Variants in HMG20A observed in about 807,000 individuals in gnomAD.
The protein encoded by HMG20A is high mobility group protein 20A.
In HMG20A, 17 loss-of-function variants were observed where a neutral mutation model predicts 43.9. The ratio of observed to expected loss-of-function variants is 0.39; its 90% CI spans 0.27 to 0.58. The LOEUF is 0.58. Ranked by LOEUF, HMG20A falls within the 20% of genes least tolerant of loss-of-function variation. The pLI is 0.59. For synonymous variants in HMG20A, 132 were observed against 147.5 expected (o/e 0.89, Z 0.76); for missense variants, 341 against 438.2 (o/e 0.78, Z 1.98).
chr15:77,449,402 T>C (rs2073710781), intron 1 of HMG20A, among the ~76,000 whole-genome samples: 1 of 152,158 alleles, frequency 6.6e-6, no homozygotes, highest in Non-Finnish European at 1.5e-5. Flanking sequence ...GATTAGCCAG[T>C]GTTCTCATTC....
chr15:77,490,638 C>T, the HMG20A span, among the ~76,000 whole-genome samples: 3 of 152,142 alleles, frequency 2.0e-5, no homozygotes, highest in Non-Finnish European at 4.4e-5. Flanking sequence ...ACCTGGGCAA[C>T]GTGGTGAAAC....
intron 9 of HMG20A, among the ~76,000 whole-genome samples, chr15:77,480,073 G>A (rs1029184544): frequency 1.3e-5 from 2 of 151,698 alleles, no homozygotes; most frequent in Non-Finnish European, 2.9e-5. Context: ...CAGGCAGATC[G>A]CTGGAGTCCA....
chr15:77,512,970 A>C, the HMG20A span, among the ~76,000 whole-genome samples: 1 of 152,164 alleles, frequency 6.6e-6, no homozygotes, highest in Non-Finnish European at 1.5e-5. Flanking sequence ...TGCCCAAAAC[A>C]CGTTAACATC....
chr15:77,471,665 T>C, intron 5 of HMG20A, 118 bp from the exon 6 acceptor site: 1 of 686,446 alleles, frequency 1.5e-6, no homozygotes, highest in Non-Finnish European at 2.6e-6. Context: ...AAAAATATCA[T>C]ATGTTATGAG....
Position 77,480,817 on chromosome 15 carries a change from T to A in HMG20A, c.*6+1496T>A, listed in dbSNP as rs183158010. ...ATTGGTATTTATTCATTCAAATTCC[T>A]AGAGATAGGATACCCCTTTACTATG... is the stretch of plus-strand genomic sequence containing the variant. On this transcript the variant is annotated intron_variant, in intron 9 of 9. Transcript: ENST00000336216. Among the ~76,000 whole-genome samples the A allele has an allele frequency of 2.2e-4, 34 of 151,896 alleles. No homozygotes were observed. In the East Asian group the frequency reaches 6.0e-3, roughly 27 times the overall value.
the HMG20A span, among the ~76,000 whole-genome samples, chr15:77,510,914 A>G: frequency 6.6e-6 from 1 of 152,246 alleles, no homozygotes; most frequent in Non-Finnish European, 1.5e-5. Context: ...CCAGCCCTGT[A>G]CTTGCTTGCT....
chr15:77,449,975 A>T (rs2073717872), intron 1 of HMG20A, among the ~76,000 whole-genome samples: 1 of 152,108 alleles, frequency 6.6e-6, no homozygotes, highest in African/African-American at 2.4e-5. Context: ...GGCAACCACT[A>T]ATCTTTTTAC....
rs191612038 is a variant in HMG20A, at chr15:77,472,701, G to T, written c.615+887G>T. The stretch of plus-strand genomic sequence containing the variant: ...GATTTAGGCCTGTGTTTCTGTGTGT[G>T]TATGGGATTTAGGTGTGTGTGTTGT... On this transcript the variant is annotated intron_variant, in intron 6 of 9. Transcript: ENST00000336216. Among the ~76,000 whole-genome samples the T allele has an allele frequency of 2.3e-4, 35 of 152,356 alleles. No homozygotes were observed. In the East Asian group the frequency reaches 6.2e-3, roughly 27 times the overall value.
intron 1 of HMG20A, chr15:77,447,605 A>C (rs1426206730): frequency 6.6e-6 from 1 of 152,200 alleles, no homozygotes; most frequent in East Asian, 1.9e-4. Context: ...TTTTACTTCA[A>C]AAAAACATGT....
intron 8 of HMG20A, among the ~76,000 whole-genome samples, 188 bp from the exon 9 acceptor site, chr15:77,478,991 T>C (rs1390439445): frequency 6.6e-6 from 1 of 152,250 alleles, no homozygotes; most frequent in Non-Finnish European, 1.5e-5. Context: ...ACAGCAATTA[T>C]ATAGCCCATC....
chr15:77,474,573 G>A (rs1216836497), intron 6 of HMG20A, among the ~76,000 whole-genome samples: 2 of 152,188 alleles, frequency 1.3e-5, no homozygotes, highest in African/African-American at 4.8e-5. Flanking sequence ...GTTGCCCAAG[G>A]TGTCAGCAAA....
At chr15:77,487,046 A>C (rs2072949098), downstream of HMG20A, among the ~76,000 whole-genome samples, 1 of 152,202 alleles carries the variant, frequency 6.6e-6, no homozygotes, top group Non-Finnish European at 1.5e-5. Flanking sequence ...CCGTGGTCCA[A>C]AATAGCCACT....
intron 1 of HMG20A, among the ~76,000 whole-genome samples, chr15:77,435,657 T>G (rs992062529): frequency 6.6e-6 from 1 of 152,144 alleles, no homozygotes; most frequent in Non-Finnish European, 1.5e-5. Flanking sequence ...AGGACTGTAT[T>G]ATTTTTCTCT....
the HMG20A span, among the ~76,000 whole-genome samples, chr15:77,514,806 G>A: frequency 3.3e-5 from 5 of 152,222 alleles, no homozygotes; most frequent in African/African-American, 9.7e-5. Context: ...AGAGGGGCCC[G>A]AGTCGGGGCA....
intron 4 of HMG20A, among the ~76,000 whole-genome samples, chr15:77,469,461 C>T (rs548916051): frequency 1.1e-4 from 16 of 152,036 alleles, no homozygotes; most frequent in Non-Finnish European, 2.2e-4. Context: ...CCCCTCCCAC[C>T]TTAGCCTCCT....
intron 1 of HMG20A, among the ~76,000 whole-genome samples, chr15:77,442,000 G>A (rs2073617927): frequency 6.6e-6 from 1 of 152,154 alleles, no homozygotes; most frequent in Non-Finnish European, 1.5e-5. Context: ...AGTGGAATTA[G>A]AGATGAATCA....
the HMG20A span, among the ~76,000 whole-genome samples, chr15:77,497,655 TAGAGAGAGAG>T: frequency 1.5e-4 from 19 of 128,002 alleles, no homozygotes; most frequent in Non-Finnish European, 2.1e-4. Flanking sequence ...GAGATATTAA[TAGAGAGAGAG>T]AGAGAGAGAG....
At chr15:77,468,211 T>C (rs890430949) in intron 4 of HMG20A, among the ~76,000 whole-genome samples, 2 of 152,206 alleles carry the variant, frequency 1.3e-5, no homozygotes, top group Non-Finnish European at 1.5e-5. Flanking sequence ...AAAAGGATAG[T>C]GGGCTGTACA....
rs2072734148 is a variant in HMG20A, at chr15:77,464,261, A to G, written c.111A>G (p.Pro37=). 2 of 1,613,822 alleles carry G rather than the reference A, an allele frequency of 1.2e-6. No homozygotes were observed. The highest frequency in any genetic ancestry group is 2.7e-5 in the African/African-American group (2 of 75,020). Residue 37 remains proline, a synonymous_variant, in exon 3 of 10, where the codon CCA becomes CCG. Coordinates refer to ENST00000336216, the MANE Select transcript of HMG20A (RefSeq NM_001304504.2). ...ATTGLNHPEV[P]YSSGATSSTN... is the part of the protein sequence containing the mutation. ...TCAGGTTAAATCACCCAGAGGTTCC[A>G]TACAGTAGTGGCGCCACATCATCCA... is the stretch of plus-strand genomic sequence containing the variant.
Sources: gnomAD v4.1 joint callset for allele counts (sites outside exome capture counted in the v4.1 genomes callset) on GRCh38, gnomAD v4.1.1 for gene constraint, MANE v1.5 for transcripts, NCBI Gene and HGNC (gene_info 2026-07-23, HGNC 2026-07-21) for gene names.